Variants in RRP15 observed in about 807,000 individuals in gnomAD.
The protein encoded by RRP15 is ribosomal RNA processing 15 homolog.
Under a neutral mutation model 27.1 loss-of-function variants are expected in RRP15, and 18 were observed. The ratio of observed to expected loss-of-function variants is 0.66; its 90% confidence interval spans 0.46 to 0.98. RRP15 has a LOEUF of 0.98. Ranked by LOEUF, RRP15 falls within the 50% of genes least tolerant of loss-of-function variation. The pLI is 0.00. For synonymous variants in RRP15, 107 were observed against 109.4 expected (o/e 0.98, Z 0.14); for missense variants, 359 against 337.8 (o/e 1.06, Z -0.49).
chr1:218,288,741 A>G (rs1210109559), intron 1 of RRP15, among the ~76,000 whole-genome samples: 1 of 152,240 alleles, frequency 6.6e-6, no homozygotes. Flanking sequence ...AGGATTGGGG[A>G]CAAGGAGACT....
chr1:218,324,234 C>G (rs1336252562), intron 4 of RRP15, among the ~76,000 whole-genome samples: 1 of 152,170 alleles, frequency 6.6e-6, no homozygotes, highest in African/African-American at 2.4e-5. Flanking sequence ...CCTGCAGCAG[C>G]AGCTGCAGGG....
At chr1:218,296,637 T>G (rs988867058) in intron 1 of RRP15, among the ~76,000 whole-genome samples, 1 of 150,358 alleles carries the variant, frequency 6.7e-6, no homozygotes, top group African/African-American at 2.5e-5. Context: ...GAGTGAGACC[T>G]TGTCTCAAAA....
At chr1:218,292,814 A>G (rs1239167073) in intron 1 of RRP15, among the ~76,000 whole-genome samples, 1 of 152,216 alleles carries the variant, frequency 6.6e-6, no homozygotes, top group East Asian at 1.9e-4. Context: ...TCTGGAATAC[A>G]GTCTGCTCTC....
At chr1:218,310,386 C>T (rs891798688) in intron 4 of RRP15, among the ~76,000 whole-genome samples, 2 of 152,178 alleles carry the variant, frequency 1.3e-5, no homozygotes, top group East Asian at 3.9e-4. Context: ...TTTGGAAACA[C>T]CTTCATTTTA....
At chr1:218,292,734 A>G (rs1305901872) in intron 1 of RRP15, among the ~76,000 whole-genome samples, 1 of 152,240 alleles carries the variant, frequency 6.6e-6, no homozygotes, top group Non-Finnish European at 1.5e-5. Flanking sequence ...TGATCTGACC[A>G]CTGCTTGCCT....
chr1:218,300,428 T>A (rs1346163666), intron 1 of RRP15, among the ~76,000 whole-genome samples: 2 of 152,192 alleles, frequency 1.3e-5, no homozygotes, highest in African/African-American at 2.4e-5. Context: ...TTTTACATCA[T>A]TTTTTGTTTC....
intron 1 of RRP15, 139 bp from the exon 2 acceptor site, chr1:218,302,155 A>T: frequency 1.5e-6 from 1 of 650,490 alleles, no homozygotes; most frequent in Non-Finnish European, 2.7e-6. Context: ...CTTCATCATT[A>T]CTGTAGCTGT....
At chr1:218,308,064 T>TTA (rs1558206714) in intron 4 of RRP15, among the ~76,000 whole-genome samples, 1 of 95,402 alleles carries the variant, frequency 1.0e-5, no homozygotes, top group African/African-American at 7.0e-5. Context: ...CTTTCTTTCT[T>TTA]TTTTTTTTTT....
chr1:218,292,466 A>G (rs771824218), intron 1 of RRP15, among the ~76,000 whole-genome samples: 57 of 152,332 alleles, frequency 3.7e-4, no homozygotes, highest in Non-Finnish European at 2.5e-4. Context: ...GAAGAACACC[A>G]GTTTACAATG....
In RRP15 at chr1:218,337,716, T is replaced by G. The variant is rs1050881044; in HGVS notation, c.*6625T>G. On this transcript the variant is annotated 3_prime_UTR_variant, in exon 5 of 5. Coordinates refer to ENST00000366932, the MANE Select transcript of RRP15 (RefSeq NM_016052.4). ...TATTGAGAAAAATGATCCTGACATT[T>G]AATGAGACACTAAAACAGTTTTTAT... The G allele has an allele frequency of 2.6e-5, 4 of 152,182 alleles. No homozygotes were observed. The highest frequency in any genetic ancestry group is 9.6e-5 in the African/African-American group (4 of 41,460). The allele number at this position is 152,182 out of a possible 1,614,324, so 9.4% of individuals were successfully genotyped here.
rs990532300 is a variant in RRP15, at chr1:218,307,643, T to C, written c.705+11T>C. The C allele has an allele frequency of 3.8e-6, 6 of 1,583,428 alleles. No homozygotes were observed. The highest frequency in any genetic ancestry group is 4.3e-6 in the Non-Finnish European group (5 of 1,154,140). The stretch of plus-strand genomic sequence containing the variant: ...CCAAAAGCCAAACAGGTAAAAACTT[T>C]TCTATAGGATTCAGTGTATCAGACT... On this transcript the variant is annotated intron_variant, in intron 4 of 4. Transcript: ENST00000366932.
At chr1:218,289,484 G>A (rs1655600742) in intron 1 of RRP15, among the ~76,000 whole-genome samples, 1 of 152,132 alleles carries the variant, frequency 6.6e-6, no homozygotes, top group Admixed American at 6.5e-5. Flanking sequence ...GATAACAATT[G>A]ATTGTGTCTG....
chr1:218,312,462 A>G (rs1656017291), intron 4 of RRP15, among the ~76,000 whole-genome samples: 1 of 152,084 alleles, frequency 6.6e-6, no homozygotes, highest in Non-Finnish European at 1.5e-5. Flanking sequence ...GAAAAAAGAT[A>G]CTGTTAGTGG....
intron 4 of RRP15, among the ~76,000 whole-genome samples, chr1:218,323,431 C>T (rs1656219866): frequency 6.6e-6 from 1 of 152,110 alleles, no homozygotes; most frequent in Non-Finnish European, 1.5e-5. Context: ...TGGCTGAGTT[C>T]GGGGCTTTTT....
intron 4 of RRP15, among the ~76,000 whole-genome samples, chr1:218,325,599 A>G (rs974271084): frequency 1.4e-4 from 21 of 152,232 alleles, no homozygotes; most frequent in African/African-American, 5.1e-4. Flanking sequence ...ATTTCTGATT[A>G]TTGGTATGCA....
Position 218,330,957 on chromosome 1 carries a change from A to G in RRP15, c.715A>G (p.Lys239Glu), listed in dbSNP as rs746467930. 2 of 1,611,368 alleles carry G rather than the reference A, an allele frequency of 1.2e-6. No individual in the cohort carries two copies. Among genetic ancestry groups the G allele is most frequent in the African/African-American group, 2.7e-5 (2 of 74,884 alleles). ...KKPKAKQTEV[K>E]SEEGPGWTIL... is the part of the protein sequence containing the mutation. ...CTATAATTTTCCTTAGACTGAAGTG[A>G]AATCAGAAGAAGGCCCAGGTTGGAC... Residue 239 changes from lysine to glutamate, a missense_variant, in exon 5 of 5, where the codon AAA becomes GAA. By Grantham distance (56) the Lys-to-Glu change is moderately conservative (BLOSUM62 1). Transcript: ENST00000366932.
chr1:218,304,552 T>C (rs1321129977), intron 2 of RRP15, among the ~76,000 whole-genome samples: 2 of 152,248 alleles, frequency 1.3e-5, no homozygotes, highest in Admixed American at 1.3e-4. Flanking sequence ...AAATAGTCAT[T>C]GTATAAGTAT....
intron 1 of RRP15, among the ~76,000 whole-genome samples, chr1:218,291,528 CTTTTTT>C (rs776529360): frequency 1.2e-4 from 13 of 104,938 alleles, no homozygotes; most frequent in African/African-American, 1.4e-4. Context: ...TTGAATTTTC[CTTTTTT>C]TTTTTTTTTT....
intron 4 of RRP15, among the ~76,000 whole-genome samples, chr1:218,311,238 C>T (rs1050882825): frequency 5.3e-5 from 8 of 152,132 alleles, no homozygotes; most frequent in African/African-American, 1.9e-4. Context: ...AATATTTACA[C>T]TATTTCTTTA....
Sources: allele counts gnomAD v4.1 joint callset (sites outside exome capture counted in the v4.1 genomes callset), GRCh38; gene constraint gnomAD v4.1.1; transcripts MANE v1.5; gene names NCBI Gene and HGNC (gene_info 2026-07-23, HGNC 2026-07-21).